Variants in USP7 observed in about 807,000 individuals in gnomAD.
USP7 encodes the protein ubiquitin specific peptidase 7, also known as ubiquitin C-terminal hydrolase 7.
A neutral mutation model predicts 162.9 loss-of-function variants in USP7; 9 were observed. That is an observed-to-expected ratio of 0.06 (90% CI 0.03 to 0.10). The LOEUF is 0.10. Ranked by LOEUF, USP7 falls within the 10% of genes least tolerant of loss-of-function variation. The pLI is 1.00. For missense variants in USP7, 715 were observed against 1,373.7 expected (o/e 0.52, Z 7.58); for synonymous variants, 562 against 475.9 (o/e 1.18, Z -2.35).
intron 24 of USP7, 42 bp downstream of exon 24, chr16:8,898,489 C>T (rs756980520): frequency 6.2e-7 from 1 of 1,604,650 alleles, no homozygotes; most frequent in Non-Finnish European, 8.5e-7. Flanking sequence ...AACCCCGAGC[C>T]TTCTCTTTAT....
At position 8,908,460 on chromosome 16, in the gene USP7, G is replaced by GA; in HGVS notation, c.1162-11dup. ...CACCTTTCTCTGCTTCCTAAACATT[G>GA]AAAAACAAATGCAAATGTAGTTAGC... is the stretch of plus-strand genomic sequence containing the variant. On this transcript the variant is annotated splice_polypyrimidine_tract_variant and intron_variant, in intron 11 of 30. Transcript: ENST00000344836. 1.9e-6 allele frequency: 3 copies of GA among 1,601,616 alleles called. No homozygotes were observed. The highest frequency in any genetic ancestry group is 2.6e-6 in the Non-Finnish European group (3 of 1,174,046).
At chr16:8,912,454 AAAAAAAAAGAAAG>A (rs1435820086) in intron 10 of USP7, among the ~76,000 whole-genome samples, 1 of 151,758 alleles carries the variant, frequency 6.6e-6, no homozygotes, top group Non-Finnish European at 1.5e-5. Flanking sequence ...CATGTCAAAA[AAAAAAAAAGAAAG>A]AAAAAAGAAA....
At chr16:8,944,191 C>T (rs1201642937) in intron 1 of USP7, among the ~76,000 whole-genome samples, 1 of 151,628 alleles carries the variant, frequency 6.6e-6, no homozygotes, top group Non-Finnish European at 1.5e-5. Flanking sequence ...ATATGCATTA[C>T]TCTTAAAACA....
chr16:8,954,620 C>A (rs766927347), intron 1 of USP7, among the ~76,000 whole-genome samples: 57 of 152,118 alleles, frequency 3.7e-4, no homozygotes, highest in Non-Finnish European at 7.3e-5. Context: ...TGAAGACTTG[C>A]CAAAAACTTT....
chr16:8,941,561 T>G (rs1039454621), intron 1 of USP7, among the ~76,000 whole-genome samples: 9 of 152,244 alleles, frequency 5.9e-5, no homozygotes, highest in Non-Finnish European at 1.2e-4. Flanking sequence ...GGCTTTTTTG[T>G]CCACGCACGA....
intron 21 of USP7, chr16:8,900,193 G>T: frequency 3.1e-6 from 1 of 325,282 alleles, no homozygotes; most frequent in Non-Finnish European, 5.6e-6. Context: ...TTTACATGAA[G>T]ACAGACTGAA....
chr16:8,933,985 G>T (rs909489248), intron 1 of USP7, among the ~76,000 whole-genome samples: 3 of 152,228 alleles, frequency 2.0e-5, no homozygotes, highest in African/African-American at 7.2e-5. Context: ...TCAAACTCAT[G>T]ACCTCAAGTG....
intron 10 of USP7, among the ~76,000 whole-genome samples, chr16:8,913,827 T>G (rs1360247590): frequency 6.6e-6 from 1 of 151,974 alleles, no homozygotes; most frequent in Non-Finnish European, 1.5e-5. Flanking sequence ...CATGGCTCGC[T>G]GCAGACTTAA....
chr16:8,923,466 C>G, intron 2 of USP7, 53 bp from the exon 3 acceptor site: 8 of 1,585,778 alleles, frequency 5.0e-6, no homozygotes, highest in Non-Finnish European at 6.9e-6. Context: ...ACCAAAAGCA[C>G]TAGCATTAAT....
intron 1 of USP7, chr16:8,936,764 G>C: frequency 7.6e-7 from 1 of 1,319,464 alleles, no homozygotes; most frequent in Non-Finnish European, 9.7e-7. Flanking sequence ...TTTAGGACCA[G>C]AAACATTCAA....
chr16:8,932,548 A>C (rs1898420463), intron 1 of USP7, among the ~76,000 whole-genome samples: 1 of 152,244 alleles, frequency 6.6e-6, no homozygotes, highest in Non-Finnish European at 1.5e-5. Context: ...GGATGGAGAG[A>C]AGGAAAAATG....
At chr16:8,908,536 G>T (rs2061894887) in intron 11 of USP7, 86 bp from the exon 12 acceptor site, 4 of 1,154,932 alleles carry the variant, frequency 3.5e-6, no homozygotes, top group South Asian at 2.9e-5. Flanking sequence ...AGCAAGATTG[G>T]AACATGTCTG....
intron 27 of USP7, 22 bp from the exon 28 acceptor site, chr16:8,895,172 A>G: frequency 6.2e-7 from 1 of 1,614,176 alleles, no homozygotes; most frequent in Non-Finnish European, 8.5e-7. Context: ...GACAACAGAC[A>G]CAGTTCTGTA....
chr16:8,930,212 C>G (rs1898237949), intron 2 of USP7, 81 bp downstream of exon 2: 2 of 1,086,060 alleles, frequency 1.8e-6, no homozygotes, highest in South Asian at 1.5e-5. Context: ...AGGATGTACC[C>G]AAGAAGTACC....
At chr16:8,903,453 G>A in intron 15 of USP7, 51 bp from the exon 16 acceptor site, 1 of 1,591,636 alleles carries the variant, frequency 6.3e-7, no homozygotes. Flanking sequence ...GACAAAAAAT[G>A]AGTCCACACT....
chr16:8,892,871 C>G lies in USP7; in HGVS notation c.*1127G>C, dbSNP rs2061620248. The G allele has an allele frequency of 6.6e-6, 1 of 151,930 alleles. No individual in the cohort carries two copies. Among genetic ancestry groups the G allele is most frequent in the Non-Finnish European group, 1.5e-5 (1 of 67,978 alleles). The allele number at this position is 151,930 out of a possible 1,614,324, so 9.4% of individuals were successfully genotyped here. On this transcript the variant is annotated 3_prime_UTR_variant, in exon 31 of 31. Transcript: ENST00000344836. The stretch of plus-strand genomic sequence containing the variant: ...TGTACACTGCTCCCACAGAAACAAC[C>G]CAAAAAATACCGGAAAAGGATGAAA...
chr16:8,946,176 T>C (rs1036732124), intron 1 of USP7, among the ~76,000 whole-genome samples: 5 of 151,998 alleles, frequency 3.3e-5, no homozygotes, highest in African/African-American at 9.7e-5. Flanking sequence ...CACAATGAAA[T>C]GTAAAACCCC....
intron 1 of USP7, 148 bp downstream of exon 1, chr16:8,963,059 C>CT: frequency 3.9e-6 from 2 of 516,746 alleles, no homozygotes; most frequent in Non-Finnish European, 4.5e-6. Flanking sequence ...TGCAGCCTCG[C>CT]AGGCCGGGGC....
intron 1 of USP7, among the ~76,000 whole-genome samples, chr16:8,952,273 T>C (rs1899588880): frequency 6.6e-6 from 1 of 152,120 alleles, no homozygotes. Context: ...TAAAATTCAG[T>C]AACCACTACT....
Sources: allele counts gnomAD v4.1 joint callset (sites outside exome capture counted in the v4.1 genomes callset), GRCh38; gene constraint gnomAD v4.1.1; transcripts MANE v1.5; gene names NCBI Gene and HGNC (gene_info 2026-07-23, HGNC 2026-07-21).